MLLT3: variants seen among roughly 807,000 people sequenced by gnomAD.
The protein encoded by MLLT3 is MLLT3 super elongation complex subunit, also known as protein AF-9.
A neutral mutation model predicts 53.2 loss-of-function variants in MLLT3; 4 were observed. The ratio of observed to expected loss-of-function variants is 0.08; its 90% CI spans 0.04 to 0.17. The LOEUF is 0.17. Among genes scored for constraint, MLLT3 ranks in the 10% least tolerant of loss-of-function variants. The pLI is 1.00. For synonymous variants in MLLT3, 283 were observed against 230.6 expected (o/e 1.23, Z -2.06); for missense variants, 569 against 684.0 (o/e 0.83, Z 1.87).
intron 5 of MLLT3, among the ~76,000 whole-genome samples, chr9:20,378,725 TAA>T (rs1821836419): frequency 6.6e-6 from 1 of 152,090 alleles, no homozygotes; most frequent in Admixed American, 6.6e-5. Flanking sequence ...TTTAAAATGT[TAA>T]GTCCTAATAA....
intron 4 of MLLT3, among the ~76,000 whole-genome samples, chr9:20,440,222 T>G (rs377193762): frequency 1.8e-4 from 27 of 152,298 alleles, no homozygotes; most frequent in African/African-American, 6.0e-4. Context: ...ATCCTACAAT[T>G]GAATTTGTGC....
intron 5 of MLLT3, among the ~76,000 whole-genome samples, chr9:20,383,489 T>TC (rs1210024309): frequency 6.6e-6 from 1 of 151,864 alleles, no homozygotes; most frequent in Non-Finnish European, 1.5e-5. Context: ...ACATCATCTC[T>TC]CCAGGCCTCA....
At chr9:20,500,660 CA>C (rs1189680579) in intron 2 of MLLT3, among the ~76,000 whole-genome samples, 1 of 152,216 alleles carries the variant, frequency 6.6e-6, no homozygotes, top group Non-Finnish European at 1.5e-5. Context: ...TATACACTGA[CA>C]TGCCCAGGCT....
intron 2 of MLLT3, among the ~76,000 whole-genome samples, chr9:20,614,221 CCT>C: frequency 6.6e-6 from 1 of 152,248 alleles, no homozygotes; most frequent in East Asian, 1.9e-4. Context: ...ATGGTGAAAC[CCT>C]GTCTCTACTA....
At chr9:20,424,313 G>C (rs903795040) in intron 4 of MLLT3, among the ~76,000 whole-genome samples, 1 of 152,126 alleles carries the variant, frequency 6.6e-6, no homozygotes, top group Non-Finnish European at 1.5e-5. Flanking sequence ...GTTGTGTTCA[G>C]AGGGCTCTTG....
chr9:20,621,879 A>T lies in MLLT3; in HGVS notation c.12+366T>A. The T allele has an allele frequency of 7.3e-7, 1 of 1,366,234 alleles. No homozygotes were observed. Among genetic ancestry groups the T allele is most frequent in the Non-Finnish European group, 9.4e-7 (1 of 1,067,710 alleles). 84.6% of individuals were successfully genotyped at this position (1,366,234 alleles called of 1,614,324 possible). ...GGCGGCGGCGGCTGAAATATGGCTG[A>T]GTTATTATTCGCCTCCTTCCACCGT... On this transcript the variant is annotated intron_variant, in intron 1 of 10. Coordinates refer to ENST00000380338, the MANE Select transcript of MLLT3 (RefSeq NM_004529.4). The surrounding 1 kb of genome is among the most constrained non-coding windows in gnomAD (Gnocchi z 7.0).
chr9:20,409,907 C>T (rs1484041271), intron 5 of MLLT3, among the ~76,000 whole-genome samples: 1 of 152,102 alleles, frequency 6.6e-6, no homozygotes, highest in East Asian at 1.9e-4. Flanking sequence ...TTAACAGCAA[C>T]AGCAGAAAAC....
At chr9:20,595,495 A>C (rs1820239388) in intron 2 of MLLT3, among the ~76,000 whole-genome samples, 1 of 152,164 alleles carries the variant, frequency 6.6e-6, no homozygotes. Context: ...CACAGGAAAC[A>C]TTTGTCACAA....
intron 2 of MLLT3, among the ~76,000 whole-genome samples, chr9:20,469,745 T>C (rs574208887): frequency 1.3e-5 from 2 of 151,330 alleles, no homozygotes; most frequent in South Asian, 2.1e-4. Context: ...AAAAAATCTC[T>C]CTTCCTAAAG....
chr9:20,407,189 G>A (rs1307358291), intron 5 of MLLT3, among the ~76,000 whole-genome samples: 2 of 152,180 alleles, frequency 1.3e-5, no homozygotes, highest in African/African-American at 2.4e-5. Context: ...CAAACTGGAG[G>A]ACACCATTTG....
intron 2 of MLLT3, among the ~76,000 whole-genome samples, chr9:20,588,252 G>C (rs1314849266): frequency 4.6e-5 from 7 of 150,704 alleles, no homozygotes; most frequent in African/African-American, 1.7e-4. Context: ...TAGCCTTGTA[G>C]TATAGTTTGA....
intron 5 of MLLT3, among the ~76,000 whole-genome samples, chr9:20,370,635 C>T (rs760578656): frequency 2.6e-5 from 4 of 151,940 alleles, no homozygotes; most frequent in Non-Finnish European, 4.4e-5. Flanking sequence ...CTCAGCCTCC[C>T]GAGTAGCTGG....
At chr9:20,493,867 T>G (rs1470618405) in intron 2 of MLLT3, among the ~76,000 whole-genome samples, 1 of 152,108 alleles carries the variant, frequency 6.6e-6, no homozygotes, top group Admixed American at 6.5e-5. Flanking sequence ...TGTAACACCA[T>G]AGTTATTTTC....
chr9:20,532,781 T>G (rs1330105347), intron 2 of MLLT3: 2 of 262,436 alleles, frequency 7.6e-6, no homozygotes, highest in Non-Finnish European at 1.5e-5. Context: ...TGAAAGCACT[T>G]CCTGAGATTA....
chr9:20,587,365 T>C (rs980508872), intron 2 of MLLT3, among the ~76,000 whole-genome samples: 2 of 152,146 alleles, frequency 1.3e-5, no homozygotes, highest in Admixed American at 6.5e-5. Flanking sequence ...CTCCTCATTT[T>C]ACAGATAAGA....
At chr9:20,441,313 T>C (rs1823546101) in intron 4 of MLLT3, among the ~76,000 whole-genome samples, 2 of 152,170 alleles carry the variant, frequency 1.3e-5, no homozygotes, top group African/African-American at 4.8e-5. Flanking sequence ...TAAGAAGACA[T>C]TAAATCATAA....
intron 2 of MLLT3, among the ~76,000 whole-genome samples, chr9:20,574,670 G>C (rs1220062489): frequency 2.0e-5 from 3 of 152,136 alleles, no homozygotes; most frequent in African/African-American, 7.2e-5. Flanking sequence ...GCTAGTGGAG[G>C]GTCCTGCCTG....
chr9:20,614,990 G>A (rs1258867114), intron 2 of MLLT3, among the ~76,000 whole-genome samples: 3 of 146,908 alleles, frequency 2.0e-5, no homozygotes, highest in Non-Finnish European at 4.6e-5. Context: ...TTCTACAGAG[G>A]GGCACCTACA....
intron 2 of MLLT3, among the ~76,000 whole-genome samples, chr9:20,550,835 A>G (rs897916089): frequency 6.6e-6 from 1 of 152,178 alleles, no homozygotes; most frequent in African/African-American, 2.4e-5. Context: ...ATAGCTCACT[A>G]TAACTACAAC....
Sources: gnomAD v4.1 joint callset for allele counts (sites outside exome capture counted in the v4.1 genomes callset) on GRCh38, gnomAD v4.1.1 for gene constraint, Gnocchi (gnomAD v3.1) non-coding constraint, MANE v1.5 for transcripts, NCBI Gene and HGNC (gene_info 2026-07-23, HGNC 2026-07-21) for gene names.